Variants in ADGRL2 observed in about 807,000 individuals in gnomAD.
ADGRL2 encodes the protein adhesion G protein-coupled receptor L2, also known as calcium-independent alpha-latrotoxin receptor 2.
Under a neutral mutation model 157.4 loss-of-function variants are expected in ADGRL2, and 44 were observed. The observed-to-expected ratio is 0.28, with a 90% CI of 0.22 to 0.36. The LOEUF is 0.36. Among genes scored for constraint, ADGRL2 ranks in the 10% least tolerant of loss-of-function variants. The pLI is 1.00. For synonymous variants in ADGRL2, 585 were observed against 624.7 expected (o/e 0.94, Z 0.95); for missense variants, 1,510 against 1,768.9 (o/e 0.85, Z 2.63).
In ADGRL2 at chr1:81,762,220, A is replaced by G. The variant is rs528447989; in HGVS notation, c.-101+368A>G. 5.1e-4 allele frequency among the ~76,000 whole-genome samples: 78 copies of G among 152,290 alleles called. 1 individual carries two copies. Among genetic ancestry groups the G allele is most frequent in the African/African-American group, 1.8e-3 (74 of 41,584 alleles). On this transcript the variant is annotated intron_variant, in intron 2 of 20. Transcript: ENST00000359929. ...AAAAGAAAGCATTATCTGTGATACAAATTGAGAGTTGGTAAGAGTCCTTTG... is the reference window on the plus strand; with the variant it reads ...AAAAGAAAGCATTATCTGTGATACAGATTGAGAGTTGGTAAGAGTCCTTTG...
intron 2 of ADGRL2, among the ~76,000 whole-genome samples, chr1:81,463,332 T>C (rs2077980918): frequency 6.6e-6 from 1 of 151,814 alleles, no homozygotes; most frequent in Non-Finnish European, 1.5e-5. Context: ...TTTTTTGACA[T>C]TTAAACCAAG....
chr1:81,707,234 G>A (rs1016649673), intron 1 of ADGRL2, among the ~76,000 whole-genome samples: 7 of 151,914 alleles, frequency 4.6e-5, no homozygotes, highest in Admixed American at 1.3e-4. Context: ...TTATCAGGGG[G>A]AAAAAAAGGA....
intron 11 of ADGRL2, 55 bp downstream of exon 11, chr1:81,956,115 GGAT>G (rs1430199726): frequency 1.5e-6 from 2 of 1,302,448 alleles, no homozygotes; most frequent in African/African-American, 1.5e-5. Context: ...ATATGTAAGA[GGAT>G]GATGTTTCCA....
chr1:81,791,644 G>A (rs1368738541), intron 2 of ADGRL2, among the ~76,000 whole-genome samples: 1 of 151,874 alleles, frequency 6.6e-6, no homozygotes, highest in Non-Finnish European at 1.5e-5. Flanking sequence ...AAAAAAAGGA[G>A]ATGAGCAGGT....
chr1:81,673,783 C>T (rs2082926742), intron 3 of ADGRL2, among the ~76,000 whole-genome samples: 1 of 152,156 alleles, frequency 6.6e-6, no homozygotes, highest in African/African-American at 2.4e-5. Flanking sequence ...TCCCAAAGTT[C>T]TGGGATTACA....
chr1:81,539,994 G>C (rs1206139076), intron 2 of ADGRL2, among the ~76,000 whole-genome samples: 1 of 152,004 alleles, frequency 6.6e-6, no homozygotes, highest in East Asian at 1.9e-4. Context: ...TCCCAAACAG[G>C]TGGCATAGTG....
chr1:81,951,061 C>T lies in ADGRL2; in HGVS notation c.1548C>T (p.Asn516=). Residue 516 remains asparagine (N), a synonymous_variant, in exon 8 of 24, where the codon AAC becomes AAT. Transcript: ENST00000686636. ...GCATGATTTCCACTGGAACATGGAA[C>T]CCTAAGGGCCCCGATCTTAGCAACT... ...YLCMISTGTW[N]PKGPDLSNCT... 1.2e-6 allele frequency: 2 copies of T among 1,613,494 alleles called. No homozygotes were observed. The highest frequency in any genetic ancestry group is 1.7e-6 in the Non-Finnish European group (2 of 1,179,524).
At chr1:81,934,043 A>T (rs190457846) in intron 3 of ADGRL2, among the ~76,000 whole-genome samples, 13 of 152,214 alleles carry the variant, frequency 8.5e-5, no homozygotes, top group Admixed American at 7.9e-4. Flanking sequence ...CCTGAATTCT[A>T]GAATTTTTTA....
At chr1:81,951,251 C>T (rs886250718) in intron 8 of ADGRL2, 130 bp downstream of exon 8, 10 of 585,216 alleles carry the variant, frequency 1.7e-5, no homozygotes, top group East Asian at 1.1e-4. Context: ...AAAAAAATTA[C>T]GCATAGTTTT....
intron 2 of ADGRL2, among the ~76,000 whole-genome samples, chr1:81,492,457 G>T (rs975315372): frequency 6.6e-6 from 1 of 152,106 alleles, no homozygotes; most frequent in Admixed American, 6.6e-5. Flanking sequence ...GATAATGACA[G>T]TCTATTGACT....
Position 81,969,201 on chromosome 1 carries a change from A to G in ADGRL2, c.2547A>G (p.Leu849=). The G allele has an allele frequency of 6.2e-7, 1 of 1,613,656 alleles. No homozygotes were observed. The highest frequency in any genetic ancestry group is 8.5e-7 in the Non-Finnish European group (1 of 1,179,640). Reference sequence around the variant, plus strand: ...AGTATAAAGATGGCGTTCATGAATTACTTCTTACAGTCATCACCTGGGTGG... The same window carrying G: ...AGTATAAAGATGGCGTTCATGAATTGCTTCTTACAGTCATCACCTGGGTGG... ...EIAYKDGVHE[L]LLTVITWVGI... Residue 849 remains leucine (L), a synonymous_variant, in exon 15 of 24, where the codon TTA becomes TTG. Coordinates refer to ENST00000686636, the MANE Select transcript of ADGRL2 (RefSeq NM_001366006.2).
At chr1:81,986,334 A>G (rs1040417673) in intron 21 of ADGRL2, among the ~76,000 whole-genome samples, 1 of 152,118 alleles carries the variant, frequency 6.6e-6, no homozygotes, top group African/African-American at 2.4e-5. Flanking sequence ...TGAATGATCT[A>G]ATAATTCATT....
chr1:81,825,275 A>T (rs919748142), intron 1 of ADGRL2, among the ~76,000 whole-genome samples: 1 of 152,068 alleles, frequency 6.6e-6, no homozygotes, highest in African/African-American at 2.4e-5. Context: ...ATGTGGGAGG[A>T]TTGCTTGAGT....
chr1:81,793,787 C>T (rs1387585639), intron 2 of ADGRL2, among the ~76,000 whole-genome samples: 3 of 151,948 alleles, frequency 2.0e-5, no homozygotes, highest in East Asian at 1.9e-4. Context: ...AGTTTAAAAT[C>T]GTTTTGCAAC....
chr1:81,519,817 T>C (rs977687539), intron 2 of ADGRL2, among the ~76,000 whole-genome samples: 3 of 152,144 alleles, frequency 2.0e-5, no homozygotes, highest in South Asian at 4.1e-4. Context: ...CAAGGAGCCC[T>C]GATTTTGCTT....
At chr1:81,594,680 C>T (rs1032285244) in intron 3 of ADGRL2, among the ~76,000 whole-genome samples, 7 of 152,140 alleles carry the variant, frequency 4.6e-5, no homozygotes, top group East Asian at 1.9e-4. Context: ...TCACCTATTA[C>T]GTGTCTTCTT....
intron 3 of ADGRL2, among the ~76,000 whole-genome samples, chr1:81,624,884 C>A (rs2081877689): frequency 6.6e-6 from 1 of 152,178 alleles, no homozygotes; most frequent in Non-Finnish European, 1.5e-5. Context: ...CATTGAGTTG[C>A]TGTGCAGCTC....
chr1:81,980,318 G>A (rs1661290648), intron 18 of ADGRL2, among the ~76,000 whole-genome samples: 1 of 151,638 alleles, frequency 6.6e-6, no homozygotes, highest in African/African-American at 2.4e-5. Flanking sequence ...TAAGGATTCT[G>A]AGCAGTTTCC....
intron 2 of ADGRL2, among the ~76,000 whole-genome samples, chr1:81,577,660 T>C (rs992981915): frequency 2.0e-5 from 3 of 152,170 alleles, no homozygotes; most frequent in Admixed American, 2.0e-4. Flanking sequence ...GTTAGGAAAT[T>C]AGCCCCTTCT....
Sources: gnomAD v4.1 joint callset for allele counts (sites outside exome capture counted in the v4.1 genomes callset) on GRCh38, gnomAD v4.1.1 for gene constraint, MANE v1.5 for transcripts, NCBI Gene and HGNC (gene_info 2026-07-23, HGNC 2026-07-21) for gene names.